STX17: variants seen among roughly 807,000 people sequenced by gnomAD.
STX17 encodes the protein syntaxin-17.
A neutral mutation model predicts 35.9 loss-of-function variants in STX17; 29 were observed. The observed-to-expected ratio is 0.81, with a 90% CI of 0.60 to 1.10. The LOEUF (loss-of-function observed/expected upper bound fraction) is 1.10, where lower values mean the gene tolerates loss of function less well. Among genes scored for constraint, STX17 ranks in the 50% least tolerant of loss-of-function variants. The probability of loss-of-function intolerance (pLI) is 0.00; values close to 1 mark genes in which losing one functional copy is unlikely to be tolerated. For synonymous variants in STX17, 92 were observed against 118.3 expected (o/e 0.78, Z 1.44); for missense variants, 312 against 352.3 (o/e 0.89, Z 0.92).
intron 2 of STX17, among the ~76,000 whole-genome samples, chr9:99,925,488 C>A (rs1022181271): frequency 4.6e-5 from 7 of 151,680 alleles, no homozygotes; most frequent in African/African-American, 1.7e-4. Context: ...GTCAGGTATC[C>A]CCTTTCTATC....
intron 3 of STX17, among the ~76,000 whole-genome samples, chr9:99,943,039 T>G (rs527443394): frequency 6.6e-6 from 1 of 152,214 alleles, no homozygotes; most frequent in East Asian, 1.9e-4. Flanking sequence ...AGAATCAGCT[T>G]ATTAAGTTTC....
chr9:99,935,187 G>A (rs936879224), intron 3 of STX17, among the ~76,000 whole-genome samples: 13 of 151,830 alleles, frequency 8.6e-5, no homozygotes, highest in South Asian at 4.2e-4. Flanking sequence ...AAAATTAGCC[G>A]GATGTGGTGG....
chr9:99,917,266 A>G (rs1828795220), intron 2 of STX17, among the ~76,000 whole-genome samples: 1 of 150,860 alleles, frequency 6.6e-6, no homozygotes, highest in East Asian at 2.0e-4. Flanking sequence ...TATAAAAGTG[A>G]CTTTTTTTTA....
chr9:99,960,297 G>A, intron 6 of STX17, 142 bp downstream of exon 6: 1 of 853,742 alleles, frequency 1.2e-6, no homozygotes, highest in East Asian at 2.7e-5. Context: ...AAGTTTAACT[G>A]TTCTCAAATT....
chr9:99,969,994 G>A lies in STX17; in HGVS notation c.*1321G>A, dbSNP rs1829992325. 1 of 152,498 alleles carries A rather than the reference G, an allele frequency of 6.6e-6. No individual in the cohort carries two copies. Among genetic ancestry groups the A allele is most frequent in the Non-Finnish European group, 1.5e-5 (1 of 68,058 alleles). 9.4% of individuals were successfully genotyped at this position (152,498 alleles called of 1,614,324 possible). ...AAACCGCAGAAAGGCTTTAATACTGGAAAAAAAGAATTCAAGACTACAGGC... is the reference window on the plus strand; with the variant it reads ...AAACCGCAGAAAGGCTTTAATACTGAAAAAAAAGAATTCAAGACTACAGGC... On this transcript the variant is annotated 3_prime_UTR_variant, in exon 8 of 8. Transcript: ENST00000259400.
intron 4 of STX17, among the ~76,000 whole-genome samples, chr9:99,959,397 AT>A (rs1240810998): frequency 6.7e-6 from 1 of 148,656 alleles, no homozygotes; most frequent in East Asian, 2.0e-4. Context: ...AAAAAAAAAA[AT>A]TTTAGAAAAA....
chr9:99,930,914 T>C (rs1001004878), intron 3 of STX17, among the ~76,000 whole-genome samples: 2 of 152,228 alleles, frequency 1.3e-5, no homozygotes, highest in African/African-American at 2.4e-5. Context: ...GCTTTCTATC[T>C]TCTTTGTGTT....
Position 99,951,158 on chromosome 9 carries a change from A to C in STX17, c.288A>C (p.Glu96Asp). Residue 96 changes from glutamate (E) to aspartate (D), a missense_variant, in exon 4 of 8, where the codon GAA becomes GAC. Physicochemically the swap from Glu to Asp is conservative, Grantham distance 45 (BLOSUM62 2). Coordinates refer to ENST00000259400, the MANE Select transcript of STX17 (RefSeq NM_017919.3). The stretch of plus-strand genomic sequence containing the variant: ...AGAGAATGATAGATCCTGTTAAAGA[A>C]GAAGCATCAGCAGCAACAGCAGAAT... ...LLKRMIDPVK[E>D]EASAATAEFL... is the part of the protein sequence containing the mutation. The C allele has an allele frequency of 6.2e-7, 1 of 1,613,150 alleles. No individual in the cohort carries two copies. The highest frequency in any genetic ancestry group is 8.5e-7 in the Non-Finnish European group (1 of 1,179,268).
At chr9:99,926,515 T>C (rs1470284432) in intron 2 of STX17, among the ~76,000 whole-genome samples, 2 of 152,128 alleles carry the variant, frequency 1.3e-5, no homozygotes, top group Admixed American at 6.5e-5. Context: ...CTTTTTTTTT[T>C]TTGACAGAGT....
At chr9:99,932,584 A>G (rs537594560) in intron 3 of STX17, among the ~76,000 whole-genome samples, 20 of 152,292 alleles carry the variant, frequency 1.3e-4, no homozygotes, top group Non-Finnish European at 2.4e-4. Context: ...TGTTTAATCT[A>G]TCATTTAAAA....
intron 2 of STX17, among the ~76,000 whole-genome samples, chr9:99,916,665 G>T (rs140066506): frequency 6.6e-6 from 1 of 152,020 alleles, no homozygotes; most frequent in Non-Finnish European, 1.5e-5. Context: ...AGTTTAATGC[G>T]AATATTTGAA....
intron 3 of STX17, 74 bp from the exon 4 acceptor site, chr9:99,950,986 T>C: frequency 7.7e-7 from 1 of 1,296,346 alleles, no homozygotes; most frequent in East Asian, 2.4e-5. Flanking sequence ...CCACAACTAT[T>C]ATAACATTAC....
intron 2 of STX17, among the ~76,000 whole-genome samples, chr9:99,920,363 C>G (rs1433676657): frequency 6.6e-6 from 1 of 152,108 alleles, no homozygotes; most frequent in Non-Finnish European, 1.5e-5. Flanking sequence ...AGAACTGTAA[C>G]CAATCCTCTT....
intron 6 of STX17, among the ~76,000 whole-genome samples, chr9:99,961,948 C>A (rs892526277): frequency 2.6e-5 from 4 of 152,098 alleles, no homozygotes; most frequent in African/African-American, 4.8e-5. Flanking sequence ...CCTATAATAA[C>A]TTCTTTTTGG....
chr9:99,962,712 C>G (rs939265756), intron 6 of STX17, among the ~76,000 whole-genome samples: 1 of 152,206 alleles, frequency 6.6e-6, no homozygotes, highest in African/African-American at 2.4e-5. Flanking sequence ...AAAACTCTGG[C>G]TGTAGCCACA....
chr9:99,955,563 T>G (rs1366168912), intron 4 of STX17, among the ~76,000 whole-genome samples: 1 of 152,086 alleles, frequency 6.6e-6, no homozygotes, highest in African/African-American at 2.4e-5. Flanking sequence ...TCTTATGTGG[T>G]AAAGGTTAGT....
chr9:99,965,362 T>C (rs1025178158), intron 6 of STX17, among the ~76,000 whole-genome samples: 3 of 152,192 alleles, frequency 2.0e-5, no homozygotes, highest in African/African-American at 7.2e-5. Context: ...ACGATTACAC[T>C]TGGGGTATAG....
At chr9:99,953,052 A>C (rs933224759) in intron 4 of STX17, among the ~76,000 whole-genome samples, 1 of 152,044 alleles carries the variant, frequency 6.6e-6, no homozygotes, top group African/African-American at 2.4e-5. Flanking sequence ...AATAAGAATA[A>C]AAATAAAAAA....
intron 6 of STX17, among the ~76,000 whole-genome samples, chr9:99,962,617 AG>A (rs1829848927): frequency 6.6e-6 from 1 of 152,244 alleles, no homozygotes; most frequent in African/African-American, 2.4e-5. Context: ...GAAATATTAA[AG>A]GTCTGTGACC....
Sources: gnomAD v4.1 joint callset for allele counts (sites outside exome capture counted in the v4.1 genomes callset) on GRCh38, gnomAD v4.1.1 for gene constraint, MANE v1.5 for transcripts, NCBI Gene and HGNC (gene_info 2026-07-23, HGNC 2026-07-21) for gene names.